Variants in SDK1 observed in about 807,000 individuals in gnomAD.
SDK1 encodes sidekick cell adhesion molecule 1, also known as protein sidekick-1.
Under a neutral mutation model 245.5 loss-of-function variants are expected in SDK1, and 157 were observed. The ratio of observed to expected loss-of-function variants is 0.64; its 90% CI spans 0.56 to 0.73. The LOEUF is 0.73. Among genes scored for constraint, SDK1 ranks in the 30% least tolerant of loss-of-function variants. The probability of loss-of-function intolerance (pLI) is 0.00; values close to 1 mark genes in which losing one functional copy is unlikely to be tolerated. For synonymous variants in SDK1, 1,647 were observed against 1,278.5 expected (o/e 1.29, Z -6.15); for missense variants, 3,583 against 3,002.3 (o/e 1.19, Z -4.52).
chr7:4,081,175 G>A (rs1044824059), intron 22 of SDK1, among the ~76,000 whole-genome samples: 13 of 152,198 alleles, frequency 8.5e-5, no homozygotes, highest in African/African-American at 3.1e-4. Context: ...AGAAACGCCA[G>A]CGTCTTCAGG....
At chr7:3,914,924 G>T (rs879643854) in intron 5 of SDK1, among the ~76,000 whole-genome samples, 11 of 152,316 alleles carry the variant, frequency 7.2e-5, no homozygotes, top group Admixed American at 3.3e-4. Context: ...CTTAAGTGAC[G>T]GGCAAGACTG....
chr7:3,835,246 G>A (rs113977452), intron 5 of SDK1, among the ~76,000 whole-genome samples: 5 of 152,266 alleles, frequency 3.3e-5, no homozygotes, highest in African/African-American at 7.2e-5. Flanking sequence ...TAAGGTGCCC[G>A]AAGATAGAAG....
Position 4,245,600 on chromosome 7 carries a change from A to T in SDK1, c.6252-76A>T, listed in dbSNP as rs745312931. The T allele has an allele frequency of 1.6e-5, 25 of 1,548,712 alleles. No homozygotes were observed. The Middle Eastern group carries it at 6.2e-4, about 38-fold the overall frequency. On this transcript the variant is annotated intron_variant, in intron 43 of 44. Transcript: ENST00000404826. ...TCTTAGTCCAACGCAATAAAGGCCA[A>T]ATGCCAGGTTAGGAGTCCTCCGGGG...
chr7:3,695,282 C>T (rs1784540390), intron 4 of SDK1, among the ~76,000 whole-genome samples: 1 of 152,154 alleles, frequency 6.6e-6, no homozygotes. Flanking sequence ...TGGATTCTGT[C>T]ATTATAATAG....
intron 17 of SDK1, among the ~76,000 whole-genome samples, chr7:4,040,965 T>A (rs1459857228): frequency 6.6e-6 from 1 of 152,214 alleles, no homozygotes; most frequent in Non-Finnish European, 1.5e-5. Context: ...TTCAGGCTGC[T>A]CTTTGTTAGA....
At chr7:3,684,063 C>A (rs539083152) in intron 4 of SDK1, among the ~76,000 whole-genome samples, 75 of 152,158 alleles carry the variant, frequency 4.9e-4, no homozygotes, top group Non-Finnish European at 1.0e-3. Context: ...GCTCAAGTTC[C>A]GCTGTGGGGT....
chr7:3,536,609 G>A (rs762815515), intron 1 of SDK1, among the ~76,000 whole-genome samples: 4 of 151,946 alleles, frequency 2.6e-5, no homozygotes, highest in Admixed American at 1.3e-4. Flanking sequence ...CACAAGAATT[G>A]CTCGAACGTG....
intron 34 of SDK1, 75 bp from the exon 35 acceptor site, chr7:4,178,410 G>A (rs1337700169): frequency 3.6e-6 from 4 of 1,101,992 alleles, no homozygotes; most frequent in Non-Finnish European, 5.6e-6. Flanking sequence ...CTTCATTGTG[G>A]TTCATAGGGG....
intron 5 of SDK1, among the ~76,000 whole-genome samples, chr7:3,832,596 C>A (rs1011069494): frequency 2.6e-5 from 4 of 152,132 alleles, no homozygotes; most frequent in Admixed American, 1.3e-4. Context: ...TTAGCAAATC[C>A]AGAGTGCTAT....
intron 4 of SDK1, among the ~76,000 whole-genome samples, chr7:3,712,740 G>A (rs1785085443): frequency 6.6e-6 from 1 of 152,216 alleles, no homozygotes; most frequent in Non-Finnish European, 1.5e-5. Flanking sequence ...GGGTACAAGA[G>A]TATACCTGTT....
intron 5 of SDK1, among the ~76,000 whole-genome samples, chr7:3,882,854 T>C (rs947661985): frequency 6.6e-6 from 1 of 152,238 alleles, no homozygotes; most frequent in Non-Finnish European, 1.5e-5. Context: ...CTCTGCTTCC[T>C]CTGAGTTACT....
At chr7:3,871,996 G>A (rs774776421) in intron 5 of SDK1, among the ~76,000 whole-genome samples, 1 of 152,156 alleles carries the variant, frequency 6.6e-6, no homozygotes, top group East Asian at 1.9e-4. Flanking sequence ...CTCATTTTCT[G>A]GGAGTTTTTG....
At chr7:3,819,046 T>C (rs538625287) in intron 4 of SDK1, among the ~76,000 whole-genome samples, 2 of 152,330 alleles carry the variant, frequency 1.3e-5, no homozygotes, top group Admixed American at 1.3e-4. Flanking sequence ...TTTACAGCAG[T>C]TACCAGAATT....
intron 1 of SDK1, among the ~76,000 whole-genome samples, chr7:3,498,122 T>C (rs1190289369): frequency 1.3e-5 from 2 of 152,248 alleles, no homozygotes; most frequent in Admixed American, 6.5e-5. Flanking sequence ...AACTTTATTC[T>C]TAAAACTAAT....
chr7:3,654,959 A>T (rs1783116203), intron 4 of SDK1, among the ~76,000 whole-genome samples: 1 of 152,160 alleles, frequency 6.6e-6, no homozygotes, highest in Non-Finnish European at 1.5e-5. Flanking sequence ...TAATACTTTA[A>T]TTAAAACTAG....
At chr7:3,632,251 C>T (rs915609549) in intron 2 of SDK1, among the ~76,000 whole-genome samples, 2 of 152,070 alleles carry the variant, frequency 1.3e-5, no homozygotes, top group African/African-American at 4.8e-5. Flanking sequence ...CATTTTCTGC[C>T]CCTGATTTAA....
At chr7:4,051,586 TGG>T in intron 18 of SDK1, 50 bp from the exon 19 acceptor site, 2 of 1,495,110 alleles carry the variant, frequency 1.3e-6, no homozygotes, top group Non-Finnish European at 1.8e-6. Flanking sequence ...GACATGAGTG[TGG>T]AGAAATGCCA....
Position 4,002,071 on chromosome 7 carries a change from A to T in SDK1, c.2132-8895A>T, listed in dbSNP as rs150472554. On this transcript the variant is annotated intron_variant, in intron 14 of 44. Transcript: ENST00000404826. ...GAATTCTACAGTGCCACTAAAAATTATGTTCCTTTTGTCACTGTCAGAGTT... is the reference window on the plus strand; with the variant it reads ...GAATTCTACAGTGCCACTAAAAATTTTGTTCCTTTTGTCACTGTCAGAGTT... 3.8e-3 allele frequency among the ~76,000 whole-genome samples: 583 copies of T among 152,370 alleles called. 11 individuals are homozygous for T. The South Asian group carries it at 0.053, about 14-fold the overall frequency.
At chr7:4,264,475 C>A (rs1276591433) in intron 44 of SDK1, among the ~76,000 whole-genome samples, 1 of 129,158 alleles carries the variant, frequency 7.7e-6, no homozygotes, top group African/African-American at 2.9e-5. Context: ...TGAGGGAGGC[C>A]GCGTGGACCT....
Sources: allele counts gnomAD v4.1 joint callset (sites outside exome capture counted in the v4.1 genomes callset), GRCh38; gene constraint gnomAD v4.1.1; transcripts MANE v1.5; gene names NCBI Gene and HGNC (gene_info 2026-07-23, HGNC 2026-07-21).